Variants in MSH4 observed in about 807,000 individuals in gnomAD.
The protein encoded by MSH4 is mutS protein homolog 4.
MSH4 carries 106 observed loss-of-function variants against 113.7 expected under a neutral mutation model. That is an observed-to-expected ratio of 0.93 (90% CI 0.80 to 1.10). The LOEUF is 1.10. Ranked by LOEUF, MSH4 falls within the 50% of genes least tolerant of loss-of-function variation. The pLI is 0.00. For missense variants in MSH4, 1,061 were observed against 1,093.7 expected, an observed-to-expected ratio of 0.97 and a Z score of 0.42; for synonymous variants, 368 against 380.2, an observed-to-expected ratio of 0.97 and a Z score of 0.37.
At chr1:75,810,626 TATCTC>T (rs1370898219) in intron 3 of MSH4, 66 bp from the exon 4 acceptor site, 1 of 635,912 alleles carries the variant, frequency 1.6e-6, no homozygotes, top group Non-Finnish European at 2.6e-6. Flanking sequence ...TTTAAATACT[TATCTC>T]AGAAAAATAT....
chr1:75,886,384 TGG>T (rs1287434257), intron 15 of MSH4, among the ~76,000 whole-genome samples: 19 of 114,324 alleles, frequency 1.7e-4, no homozygotes, highest in African/African-American at 6.6e-4. Context: ...ATATTATATA[TGG>T]TATATATGAT....
chr1:75,846,426 T>G (rs1651079964), intron 7 of MSH4, among the ~76,000 whole-genome samples: 1 of 152,222 alleles, frequency 6.6e-6, no homozygotes, highest in Admixed American at 6.5e-5. Context: ...TGAAAGAAGC[T>G]ATGCAACATC....
At chr1:75,854,963 T>A (rs2100551311) in intron 8 of MSH4, among the ~76,000 whole-genome samples, 1 of 152,282 alleles carries the variant, frequency 6.6e-6, no homozygotes, top group East Asian at 1.9e-4. Flanking sequence ...ATATTTTACA[T>A]AGAAAAATGC....
At chr1:75,866,089 T>A (rs1010630349) in intron 8 of MSH4, among the ~76,000 whole-genome samples, 1 of 152,356 alleles carries the variant, frequency 6.6e-6, no homozygotes, top group Middle Eastern at 3.4e-3. Context: ...ATTACTGTAA[T>A]TTTATTAGAA....
chr1:75,911,473 G>A (rs890326062), intron 19 of MSH4, among the ~76,000 whole-genome samples: 2 of 152,038 alleles, frequency 1.3e-5, no homozygotes, highest in African/African-American at 4.8e-5. Context: ...GCCTGAGCTG[G>A]AAGTGAGTTT....
In MSH4 at chr1:75,906,457, TATTATATATATTATATATA is replaced by T. The variant is rs1652635851; in HGVS notation, c.2620-6236_2620-6218del. 1.9e-4 allele frequency among the ~76,000 whole-genome samples: 2 copies of T among 10,746 alleles called. 1 individual carries two copies. Among genetic ancestry groups the T allele is most frequent in the South Asian group, 9.6e-3 (2 of 208 alleles). The allele number at this position is 10,746 out of a possible 152,430, so 7.0% of individuals were successfully genotyped here. A position where few individuals can be genotyped will look rare whatever the true frequency, so the allele number is the denominator to read the frequency against. The stretch of plus-strand genomic sequence containing the variant: ...TTTAATATATATAATATATATACAA[TATTATATATATTATATATA>T]ATATATACATATTATATATTATATA... On this transcript the variant is annotated intron_variant, in intron 19 of 19. Coordinates refer to ENST00000263187, the MANE Select transcript of MSH4 (RefSeq NM_002440.4).
chr1:75,851,253 C>T (rs1651181045), intron 8 of MSH4, among the ~76,000 whole-genome samples: 1 of 149,294 alleles, frequency 6.7e-6, no homozygotes. Flanking sequence ...CTGTTTGCTC[C>T]CTTGTTTCTT....
At chr1:75,831,686 C>G (rs1650694937) in intron 7 of MSH4, among the ~76,000 whole-genome samples, 1 of 152,200 alleles carries the variant, frequency 6.6e-6, no homozygotes, top group African/African-American at 2.4e-5. Context: ...TGAATGACTA[C>G]TGGGTACATA....
chr1:75,847,474 A>C (rs1651098813), intron 7 of MSH4, among the ~76,000 whole-genome samples: 1 of 152,214 alleles, frequency 6.6e-6, no homozygotes, highest in African/African-American at 2.4e-5. Context: ...GAAAATTATG[A>C]TAGACAATAT....
chr1:75,881,447 A>G, intron 14 of MSH4, 77 bp downstream of exon 14: 2 of 1,459,696 alleles, frequency 1.4e-6, no homozygotes, highest in Admixed American at 2.0e-5. Flanking sequence ...TATAATAGTT[A>G]TGACATTTAA....
At chr1:75,881,431 A>G in intron 14 of MSH4, 61 bp downstream of exon 14, 1 of 1,529,792 alleles carries the variant, frequency 6.5e-7, no homozygotes, top group Non-Finnish European at 9.0e-7. Context: ...GATTCAAACA[A>G]TTTGATATAA....
At chr1:75,912,422 A>AT (rs1175112014) in intron 19 of MSH4, among the ~76,000 whole-genome samples, 1 of 152,048 alleles carries the variant, frequency 6.6e-6, no homozygotes, top group East Asian at 1.9e-4. Flanking sequence ...ATTTAGCATA[A>AT]TTTTTTTCAT....
chr1:75,906,786 A>G (rs1243969170), intron 19 of MSH4, among the ~76,000 whole-genome samples: 1 of 144,928 alleles, frequency 6.9e-6, no homozygotes, highest in Non-Finnish European at 1.5e-5. Context: ...TATATTGTCT[A>G]TTTCTTTAAA....
chr1:75,861,337 A>G (rs965288542), intron 8 of MSH4, among the ~76,000 whole-genome samples: 1 of 152,174 alleles, frequency 6.6e-6, no homozygotes, highest in Non-Finnish European at 1.5e-5. Context: ...TTGGAGGAGA[A>G]AAGGTGTTCT....
chr1:75,851,774 C>T (rs11161731), intron 8 of MSH4, among the ~76,000 whole-genome samples: 39,527 of 151,900 alleles, frequency 0.26, 6,546 homozygotes, highest in East Asian at 0.68. Flanking sequence ...ACTAGTATAC[C>T]ATCATTTCCC....
chr1:75,809,221 A>AATT, intron 3 of MSH4, among the ~76,000 whole-genome samples: 1 of 152,136 alleles, frequency 6.6e-6, no homozygotes, highest in South Asian at 2.1e-4. Context: ...GAGCCTAGTT[A>AATT]ATTATTATTT....
intron 15 of MSH4, among the ~76,000 whole-genome samples, chr1:75,885,055 G>GTATATATATATATATATATATA (rs1469516814): frequency 9.8e-6 from 1 of 102,262 alleles, no homozygotes; most frequent in African/African-American, 3.9e-5. Flanking sequence ...GTGTGTGTGT[G>GTATATATATATATATATATATA]TGTGTATATA....
chr1:75,883,752 G>A lies in MSH4; in HGVS notation c.2038G>A (p.Gly680Arg). The A allele has an allele frequency of 1.2e-6, 2 of 1,613,116 alleles. No homozygotes were observed. The highest frequency in any genetic ancestry group is 1.7e-6 in the Non-Finnish European group (2 of 1,179,494). The stretch of plus-strand genomic sequence containing the variant: ...AGGGAGTAATTTTTTGATCATAACT[G>A]GACCAAACATGAGTGGAAAATCCAC... ...TEGSNFLIITGPNMSGKSTYL... is the reference protein window; with the variant it reads ...TEGSNFLIITRPNMSGKSTYL... The change falls in exon 15 of 20, where the codon GGA becomes AGA. Residue 680 changes from glycine to arginine, a missense_variant. Gly to Arg is a moderately radical substitution (Grantham distance 125, BLOSUM62 -2). Coordinates refer to ENST00000263187, the MANE Select transcript of MSH4 (RefSeq NM_002440.4).
Position 75,901,205 on chromosome 1 carries a change from G to A in MSH4, c.2619+1499G>A, listed in dbSNP as rs984777439. On this transcript the variant is annotated intron_variant, in intron 19 of 19. Transcript: ENST00000263187. ...ATCTTCTAGCTATTTTGAACTATAC[G>A]ACACATATTAACTATAGTCACCCTA... is the stretch of plus-strand genomic sequence containing the variant. 5.3e-5 allele frequency among the ~76,000 whole-genome samples: 8 copies of A among 152,082 alleles called. No individual in the cohort carries two copies. In the South Asian group the frequency reaches 6.2e-4, roughly 12 times the overall value.
Sources: gnomAD v4.1 joint callset for allele counts (sites outside exome capture counted in the v4.1 genomes callset) on GRCh38, gnomAD v4.1.1 for gene constraint, MANE v1.5 for transcripts, NCBI Gene and HGNC (gene_info 2026-07-23, HGNC 2026-07-21) for gene names.